Variants in SULF1 observed in about 807,000 individuals in gnomAD.
SULF1 encodes the protein sulfatase 1, also known as extracellular sulfatase Sulf-1.
A neutral mutation model predicts 110.5 loss-of-function variants in SULF1; 46 were observed. The observed-to-expected ratio is 0.42, with a 90% CI of 0.33 to 0.53. The LOEUF (loss-of-function observed/expected upper bound fraction) is 0.53, where lower values mean the gene tolerates loss of function less well. Ranked by LOEUF, SULF1 falls within the 20% of genes least tolerant of loss-of-function variation. SULF1 has a pLI of 0.12. For missense variants in SULF1, 941 were observed against 1,094.2 expected (o/e 0.86, Z 1.98); for synonymous variants, 371 against 387.1 (o/e 0.96, Z 0.49).
At chr8:69,650,947 C>A (rs1812287208) in intron 22 of SULF1, among the ~76,000 whole-genome samples, 1 of 151,924 alleles carries the variant, frequency 6.6e-6, no homozygotes. Context: ...AGATCTGGGT[C>A]TGAGGTGTAT....
At chr8:69,488,508 C>T (rs1049888731), upstream of SULF1, among the ~76,000 whole-genome samples, 1 of 151,704 alleles carries the variant, frequency 6.6e-6, no homozygotes, top group African/African-American at 2.4e-5. Context: ...CAGCTCACAT[C>T]GTTTCAGTTA....
At chr8:69,483,428 G>C (rs1266232984) in intron 1 of SULF1, among the ~76,000 whole-genome samples, 1 of 151,816 alleles carries the variant, frequency 6.6e-6, no homozygotes, top group Non-Finnish European at 1.5e-5. Flanking sequence ...GGCTGTGAAG[G>C]TTACTTATAC....
chr8:69,547,295 C>G (rs1458379310), intron 3 of SULF1, among the ~76,000 whole-genome samples: 3 of 152,096 alleles, frequency 2.0e-5, no homozygotes, highest in Admixed American at 2.0e-4. Flanking sequence ...ACTGTGATGC[C>G]TTGTGAACAC....
chr8:69,498,093 CTCTCTG>C (rs1051597536), intron 2 of SULF1, among the ~76,000 whole-genome samples: 7 of 139,500 alleles, frequency 5.0e-5, no homozygotes, highest in African/African-American at 2.0e-4. Flanking sequence ...AGTGCTCTCT[CTCTCTG>C]TCTCTCTCTC....
intron 17 of SULF1, 40 bp from the exon 18 acceptor site, chr8:69,628,131 A>C (rs541554394): frequency 1.8e-5 from 27 of 1,517,462 alleles, no homozygotes; most frequent in Non-Finnish European, 2.5e-5. Context: ...GATCCAATGC[A>C]AGGCTATGAA....
At chr8:69,574,409 A>T (rs969549264) in intron 5 of SULF1, among the ~76,000 whole-genome samples, 4 of 152,072 alleles carry the variant, frequency 2.6e-5, no homozygotes, top group African/African-American at 9.7e-5. Flanking sequence ...TACTTCACCC[A>T]TCCGACATTT....
At chr8:69,470,048 C>CA (rs113433043) in intron 1 of SULF1, among the ~76,000 whole-genome samples, 10,477 of 151,468 alleles carry the variant, frequency 0.069, 752 homozygotes, top group African/African-American at 0.18. Context: ...GTCTAAAAAA[C>CA]AAAAAAAACC....
At chr8:69,602,525 G>A (rs1029539965) in intron 10 of SULF1, among the ~76,000 whole-genome samples, 1 of 152,244 alleles carries the variant, frequency 6.6e-6, no homozygotes, top group Middle Eastern at 3.2e-3. Context: ...GACCCCTGAT[G>A]TAACAGTGAA....
At chr8:69,574,780 G>T (rs1489618958) in intron 5 of SULF1, among the ~76,000 whole-genome samples, 1 of 152,186 alleles carries the variant, frequency 6.6e-6, no homozygotes, top group Non-Finnish European at 1.5e-5. Context: ...AGAAAGAGCA[G>T]TTAGGATTGC....
Position 69,660,472 on chromosome 8 carries a change from C to T in SULF1, c.*1937C>T, listed in dbSNP as rs1813033564. 6.6e-6 allele frequency: 1 copy of T among 152,600 alleles called. No homozygotes were observed. Among genetic ancestry groups the T allele is most frequent in the Non-Finnish European group, 1.5e-5 (1 of 68,028 alleles). 9.5% of individuals were successfully genotyped at this position (152,600 alleles called of 1,614,324 possible). ...TTTTAAATACCAGCTAAAGGATTACCTCACTGAGTCATCAGTACCCTCCTA... is the reference window on the plus strand; with the variant it reads ...TTTTAAATACCAGCTAAAGGATTACTTCACTGAGTCATCAGTACCCTCCTA... On this transcript the variant is annotated 3_prime_UTR_variant, in exon 23 of 23. Coordinates refer to ENST00000402687, the MANE Select transcript of SULF1 (RefSeq NM_001128205.2).
upstream of SULF1, among the ~76,000 whole-genome samples, chr8:69,489,492 T>C (rs959884470): frequency 1.1e-4 from 16 of 150,794 alleles, no homozygotes; most frequent in Admixed American, 7.9e-4. Context: ...TTTAGACTTA[T>C]AGCCAGAGGG....
chr8:69,579,514 A>C (rs964666116), intron 6 of SULF1, among the ~76,000 whole-genome samples: 78 of 146,834 alleles, frequency 5.3e-4, no homozygotes, highest in African/African-American at 2.0e-3. Context: ...GCACCATTGC[A>C]CTCCAGCCTG....
At chr8:69,622,880 C>A (rs974213399) in intron 14 of SULF1, among the ~76,000 whole-genome samples, 1 of 152,060 alleles carries the variant, frequency 6.6e-6, no homozygotes, top group Non-Finnish European at 1.5e-5. Flanking sequence ...CCTACTGTCA[C>A]GGAGGTTGCT....
chr8:69,611,194 T>C (rs1355170663), intron 13 of SULF1, among the ~76,000 whole-genome samples: 1 of 152,254 alleles, frequency 6.6e-6, no homozygotes, highest in Non-Finnish European at 1.5e-5. Flanking sequence ...GTAAATGTTA[T>C]ATGAATTAAA....
intron 12 of SULF1, among the ~76,000 whole-genome samples, chr8:69,604,396 G>T (rs1471102191): frequency 2.6e-5 from 4 of 152,190 alleles, no homozygotes; most frequent in Admixed American, 2.0e-4. Context: ...GTATGCCATT[G>T]TAATTATTTC....
chr8:69,581,121 A>G (rs543303579), intron 6 of SULF1, among the ~76,000 whole-genome samples: 1 of 152,310 alleles, frequency 6.6e-6, no homozygotes, highest in African/African-American at 2.4e-5. Context: ...TCTTCACTAG[A>G]CTTACAATCT....
chr8:69,474,328 T>C (rs1215469784), intron 1 of SULF1, among the ~76,000 whole-genome samples: 3 of 152,204 alleles, frequency 2.0e-5, no homozygotes, highest in African/African-American at 7.2e-5. Context: ...ATGCCTTTGC[T>C]TCCCAATCAC....
At chr8:69,647,063 G>C (rs1355549932) in intron 22 of SULF1, among the ~76,000 whole-genome samples, 4 of 148,188 alleles carry the variant, frequency 2.7e-5, no homozygotes, top group Non-Finnish European at 5.9e-5. Flanking sequence ...CCCTGCCTCA[G>C]CCTCCCTAGT....
Position 69,530,902 on chromosome 8 carries a change from G to A in SULF1, c.-134+28934G>A, listed in dbSNP as rs574189502. On this transcript the variant is annotated intron_variant, in intron 3 of 22. Coordinates refer to ENST00000402687, the MANE Select transcript of SULF1 (RefSeq NM_001128205.2). ...AGTGGATGCTGAGAAGGGGTAGAAT[G>A]GAATGAGGTAAACAGGTACTTATTG... Among the ~76,000 whole-genome samples the A allele has an allele frequency of 7.9e-5, 12 of 152,320 alleles. No individual in the cohort carries two copies. In the South Asian group the frequency reaches 1.5e-3, roughly 18 times the overall value.
Sources: allele counts gnomAD v4.1 joint callset (sites outside exome capture counted in the v4.1 genomes callset), GRCh38; gene constraint gnomAD v4.1.1; transcripts MANE v1.5; gene names NCBI Gene and HGNC (gene_info 2026-07-23, HGNC 2026-07-21).